Variants in BMP1 observed in about 807,000 individuals in gnomAD.
BMP1 encodes bone morphogenetic protein 1.
A neutral mutation model predicts 116.8 loss-of-function variants in BMP1; 63 were observed. The observed-to-expected ratio is 0.54, with a 90% CI of 0.44 to 0.67. The LOEUF is 0.67. Among genes scored for constraint, BMP1 ranks in the 30% least tolerant of loss-of-function variants. The pLI, the probability that BMP1 is intolerant of heterozygous loss-of-function variation, is 0.00. For synonymous variants in BMP1, 536 were observed against 533.4 expected (o/e 1.00, Z -0.07); for missense variants, 1,183 against 1,358.9 (o/e 0.87, Z 2.04).
chr8:22,183,292 G>A (rs1418090630), intron 8 of BMP1, among the ~76,000 whole-genome samples: 1 of 152,082 alleles, frequency 6.6e-6, no homozygotes, highest in African/African-American at 2.4e-5. Flanking sequence ...GGTGGGTGTT[G>A]GTAGTTCCAG....
At chr8:22,201,770 AC>A (rs763417567) in intron 15 of BMP1, 32 bp from the exon 16 acceptor site, 1 of 1,610,276 alleles carries the variant, frequency 6.2e-7, no homozygotes, top group East Asian at 2.2e-5. Flanking sequence ...CCCTGCACAG[AC>A]CCAGCGTCTG....
At chr8:22,176,367 G>C in intron 3 of BMP1, 54 bp downstream of exon 3, 2 of 1,565,702 alleles carry the variant, frequency 1.3e-6, no homozygotes, top group Non-Finnish European at 8.7e-7. Context: ...GCCTGGCCTT[G>C]TGGCAGCCCT....
chr8:22,201,344 C>T, intron 15 of BMP1: 1 of 1,493,772 alleles, frequency 6.7e-7, no homozygotes, highest in African/African-American at 1.4e-5. Context: ...AGAACTGGTG[C>T]TCTCTTCTCC....
intron 1 of BMP1, among the ~76,000 whole-genome samples, chr8:22,167,558 T>C (rs1450621143): frequency 6.6e-6 from 1 of 151,482 alleles, no homozygotes; most frequent in Non-Finnish European, 1.5e-5. Context: ...GAAATGGGAG[T>C]GATTTTCAGA....
rs79014593 is a variant in BMP1, at chr8:22,209,997, C to T, written c.2826+302C>T. On this transcript the variant is annotated intron_variant, in intron 19 of 19. Transcript: ENST00000306385. Reference sequence around the variant, plus strand: ...CGGCCTGGAGCGGATGGAGCTTCCTCTGTCCCTCCTTTCCTTACCCCTCCC... The same window carrying T: ...CGGCCTGGAGCGGATGGAGCTTCCTTTGTCCCTCCTTTCCTTACCCCTCCC... 0.046 allele frequency among the ~76,000 whole-genome samples: 7,042 copies of T among 152,380 alleles called. 552 individuals are homozygous for T. Among genetic ancestry groups the T allele is most frequent in the African/African-American group, 0.16 (6,577 of 41,576 alleles).
intron 15 of BMP1, chr8:22,201,202 G>C: frequency 6.2e-7 from 1 of 1,612,790 alleles, no homozygotes; most frequent in East Asian, 2.2e-5. Flanking sequence ...ACCCCCCAGT[G>C]AGGCCTGCCA....
chr8:22,178,837 T>A (rs935428061), intron 6 of BMP1, among the ~76,000 whole-genome samples: 5 of 152,038 alleles, frequency 3.3e-5, no homozygotes, highest in African/African-American at 1.2e-4. Context: ...GCCTGGTGCT[T>A]TGCTCATCCT....
chr8:22,199,108 G>A (rs750685984), intron 15 of BMP1: 23 of 1,367,032 alleles, frequency 1.7e-5, no homozygotes, highest in South Asian at 2.3e-5. Flanking sequence ...CACTGTGCCC[G>A]CCCCACCCTC....
In BMP1 at chr8:22,173,670, G is replaced by C; in HGVS notation, c.217G>C (p.Asp73His). ...GGCCTTCCAGGTACAGCAGGCTGTG[G>C]ATCTCAGACGGCACACAGCTCGTAA... Reference protein sequence around the residue: ...LRAFQVQQAVDLRRHTARKSS... With the variant: ...LRAFQVQQAVHLRRHTARKSS... The change falls in exon 2 of 20, where the codon GAT becomes CAT. Residue 73 changes from aspartate (D) to histidine (H), a missense_variant. By Grantham distance (81) the Asp-to-His change is moderately conservative. This residue lies in a region of BMP1 where 185 missense variants were observed against 158.9 expected (regional missense o/e 1.16). Coordinates refer to ENST00000306385, the MANE Select transcript of BMP1 (RefSeq NM_006129.5). The C allele has an allele frequency of 1.2e-6, 2 of 1,613,782 alleles. No individual in the cohort carries two copies. The highest frequency in any genetic ancestry group is 1.7e-6 in the Non-Finnish European group (2 of 1,179,792).
At chr8:22,174,540 AT>A (rs1370125648) in intron 2 of BMP1, among the ~76,000 whole-genome samples, 1 of 148,204 alleles carries the variant, frequency 6.7e-6, no homozygotes, top group Non-Finnish European at 1.5e-5. Context: ...GCCAGTGCTG[AT>A]GTTTGAGACA....
At position 22,209,464 on chromosome 8, in the gene BMP1, G is replaced by A; in HGVS notation, c.2595G>A (p.Arg865=). 1 of 1,614,194 alleles carries A rather than the reference G, an allele frequency of 6.2e-7. No homozygotes were observed. The highest frequency in any genetic ancestry group is 8.5e-7 in the Non-Finnish European group (1 of 1,180,038). Residue 865 remains arginine, a synonymous_variant, in exon 19 of 20, where the codon CGG becomes CGA. Transcript: ENST00000306385. ...SHATECGGQV[R]ADVKTKDLYS... is the part of the protein sequence containing the mutation. ...CTACAGAGTGCGGGGGCCAGGTACGGGCAGACGTGAAGACCAAGGACCTTT... is the reference window on the plus strand; with the variant it reads ...CTACAGAGTGCGGGGGCCAGGTACGAGCAGACGTGAAGACCAAGGACCTTT...
intron 8 of BMP1, among the ~76,000 whole-genome samples, chr8:22,183,736 C>T (rs1828689853): frequency 6.6e-6 from 1 of 152,108 alleles, no homozygotes; most frequent in African/African-American, 2.4e-5. Flanking sequence ...TGCCACCACA[C>T]CCGGCTAATT....
chr8:22,170,510 A>C (rs1254810031), intron 1 of BMP1: 4 of 152,256 alleles, frequency 2.6e-5, no homozygotes, highest in Non-Finnish European at 2.9e-5. Flanking sequence ...AATAGTAGCC[A>C]ACCTGGATTC....
chr8:22,206,278 G>A (rs1829352381), intron 16 of BMP1, among the ~76,000 whole-genome samples: 1 of 152,182 alleles, frequency 6.6e-6, no homozygotes, highest in Admixed American at 6.5e-5. Context: ...AAGGTGGGTA[G>A]ATCTCCTGAG....
rs954893508 is a variant in BMP1 at position 22,176,799 on chromosome 8, T to A, written c.551+149T>A. The stretch of plus-strand genomic sequence containing the variant: ...GCATCTACCCAGGAACTGCCCCCTG[T>A]GCGGCTGTGACCTCCAGCACACAGC... On this transcript the variant is annotated intron_variant, in intron 4 of 19. Coordinates refer to ENST00000306385, the MANE Select transcript of BMP1 (RefSeq NM_006129.5). The A allele has an allele frequency of 4.0e-6, 4 of 1,011,846 alleles. No individual in the cohort carries two copies. The African/African-American group carries it at 6.3e-5, about 16-fold the overall frequency. The allele number at this position is 1,011,846 out of a possible 1,614,324, so 62.7% of individuals were successfully genotyped here.
chr8:22,185,095 G>C (rs1292504011), intron 8 of BMP1, among the ~76,000 whole-genome samples: 2 of 152,182 alleles, frequency 1.3e-5, no homozygotes, highest in African/African-American at 4.8e-5. Context: ...CAGCTGGCGC[G>C]GAGAGGACTG....
chr8:22,210,875 G>C (rs2131906760), intron 19 of BMP1, among the ~76,000 whole-genome samples: 1 of 152,382 alleles, frequency 6.6e-6, no homozygotes, highest in Non-Finnish European at 1.5e-5. Context: ...GGAAGGATCA[G>C]GGCCTCCTGG....
intron 8 of BMP1, among the ~76,000 whole-genome samples, chr8:22,186,933 G>A (rs890292958): frequency 1.2e-4 from 18 of 152,226 alleles, no homozygotes; most frequent in African/African-American, 4.1e-4. Context: ...TACCTATCAT[G>A]TAGTGAGAAC....
chr8:22,204,150 T>C (rs1829310884), intron 16 of BMP1, among the ~76,000 whole-genome samples: 2 of 151,936 alleles, frequency 1.3e-5, no homozygotes, highest in Non-Finnish European at 2.9e-5. Flanking sequence ...GACATGGGCG[T>C]GCAAGGAACA....
Sources: allele counts gnomAD v4.1 joint callset (sites outside exome capture counted in the v4.1 genomes callset), GRCh38; gene constraint gnomAD v4.1.1; regional missense constraint gnomAD v4.1.1; transcripts MANE v1.5; gene names NCBI Gene and HGNC (gene_info 2026-07-23, HGNC 2026-07-21).